Variants in CTIF observed in about 807,000 individuals in gnomAD.
CTIF encodes the protein CBP80/20-dependent translation initiation factor.
In CTIF, 21 loss-of-function variants were observed where a neutral mutation model predicts 66.0. The ratio of observed to expected loss-of-function variants is 0.32; its 90% CI spans 0.23 to 0.46. The LOEUF (loss-of-function observed/expected upper bound fraction) is 0.46, where lower values mean the gene tolerates loss of function less well. CTIF is among the 20% of genes least tolerant of loss of function. The probability of loss-of-function intolerance (pLI) is 1.00; values close to 1 mark genes in which losing one functional copy is unlikely to be tolerated. For synonymous variants in CTIF, 345 were observed against 326.4 expected, an observed-to-expected ratio of 1.06 and a Z score of -0.62; for missense variants, 739 against 812.7, an observed-to-expected ratio of 0.91 and a Z score of 1.10.
chr18:48,621,485 G>C (rs1308170383), intron 2 of CTIF: 1 of 330,148 alleles, frequency 3.0e-6, no homozygotes, highest in Non-Finnish European at 5.7e-6. Flanking sequence ...TGCGAGTCCT[G>C]AGCCCTGGAG....
At chr18:48,651,176 C>T (rs932600478) in intron 3 of CTIF, among the ~76,000 whole-genome samples, 5 of 152,016 alleles carry the variant, frequency 3.3e-5, no homozygotes, top group Non-Finnish European at 7.4e-5. Context: ...AGCTAAATGC[C>T]CCAATTAAAA....
chr18:48,702,374 A>C lies in CTIF; in HGVS notation c.508-9245A>C, dbSNP rs57739989. Among the ~76,000 whole-genome samples the C allele has an allele frequency of 1.8e-4, 27 of 152,312 alleles. 1 individual carries two copies. In the East Asian group the frequency reaches 5.0e-3, roughly 28 times the overall value. On this transcript the variant is annotated intron_variant, in intron 6 of 11. Transcript: ENST00000256413. ...TCACCCACAAGGCTACCCTGCGCAA[A>C]ATATTCACGTGCACTTTTAAGGGGG... is the stretch of plus-strand genomic sequence containing the variant.
At chr18:48,729,067 C>T (rs2092413087) in intron 7 of CTIF, among the ~76,000 whole-genome samples, 1 of 152,178 alleles carries the variant, frequency 6.6e-6, no homozygotes, top group South Asian at 2.1e-4. Context: ...ATGCCCTCCT[C>T]ATCCTGTCCT....
intron 1 of CTIF, among the ~76,000 whole-genome samples, chr18:48,592,497 CAAA>C (rs34825594): frequency 6.8e-5 from 8 of 117,632 alleles, no homozygotes; most frequent in Non-Finnish European, 1.1e-4. Context: ...AACCCTGTCT[CAAA>C]AAAAAAAAAA....
intron 1 of CTIF, among the ~76,000 whole-genome samples, chr18:48,542,187 C>T (rs759160182): frequency 6.6e-6 from 1 of 152,260 alleles, no homozygotes; most frequent in African/African-American, 2.4e-5. Context: ...GTTATTACCA[C>T]GCATTTAATA....
At chr18:48,814,322 A>G (rs994045435) in intron 9 of CTIF, among the ~76,000 whole-genome samples, 70 of 152,174 alleles carry the variant, frequency 4.6e-4, no homozygotes, top group Non-Finnish European at 4.0e-4. Flanking sequence ...GGAGCTGCCA[A>G]AAATTACCAG....
At chr18:48,754,152 C>T (rs1229063699) in intron 7 of CTIF, among the ~76,000 whole-genome samples, 1 of 152,166 alleles carries the variant, frequency 6.6e-6, no homozygotes, top group Non-Finnish European at 1.5e-5. Flanking sequence ...ATGCAGTTAT[C>T]ACCACCGAGG....
At chr18:48,648,373 C>T (rs540593855) in intron 3 of CTIF, among the ~76,000 whole-genome samples, 2 of 152,190 alleles carry the variant, frequency 1.3e-5, no homozygotes, top group South Asian at 4.2e-4. Flanking sequence ...GCTGTCTCTG[C>T]TGGGCTCTGC....
In CTIF at chr18:48,757,227, G is replaced by A. The variant is rs373144587; in HGVS notation, c.585-692G>A. 9.9e-5 allele frequency among the ~76,000 whole-genome samples: 15 copies of A among 152,246 alleles called. No individual in the cohort carries two copies. The East Asian group carries it at 2.1e-3, about 22-fold the overall frequency. On this transcript the variant is annotated intron_variant, in intron 7 of 11. Transcript: ENST00000256413. ...TTAATTTAATCACCTCTTTAAAGGT[G>A]ATCCATCATGTCTTATCTCCAAATA... is the stretch of plus-strand genomic sequence containing the variant.
chr18:48,793,536 C>A (rs2067840507), intron 9 of CTIF, among the ~76,000 whole-genome samples: 1 of 152,150 alleles, frequency 6.6e-6, no homozygotes, highest in Non-Finnish European at 1.5e-5. Flanking sequence ...GTATTTCTGA[C>A]AAAATGTTTC....
chr18:48,737,302 A>C (rs1251369637), intron 7 of CTIF, among the ~76,000 whole-genome samples: 1 of 152,240 alleles, frequency 6.6e-6, no homozygotes, highest in African/African-American at 2.4e-5. Flanking sequence ...CTGACTCCTA[A>C]GTCTCCAGCT....
At chr18:48,632,170 T>A (rs571697063) in intron 2 of CTIF, among the ~76,000 whole-genome samples, 6 of 152,250 alleles carry the variant, frequency 3.9e-5, no homozygotes, top group African/African-American at 1.2e-4. Flanking sequence ...AAGAAGCGTG[T>A]CTCTGATGGA....
At chr18:48,718,784 T>C (rs1395991605) in intron 7 of CTIF, among the ~76,000 whole-genome samples, 2 of 152,162 alleles carry the variant, frequency 1.3e-5, no homozygotes, top group Non-Finnish European at 2.9e-5. Flanking sequence ...TTATATCTGT[T>C]CTCCAGGATT....
In CTIF at chr18:48,740,682, C is replaced by T. The variant is rs535233644; in HGVS notation, c.585-17237C>T. ...CTTGCCCTTGTCCTGCCTTGACTGT[C>T]ACCTCTTCCCCCACCACGCACCTTG... On this transcript the variant is annotated intron_variant, in intron 7 of 11. Coordinates refer to ENST00000256413, the MANE Select transcript of CTIF (RefSeq NM_014772.3). Among the ~76,000 whole-genome samples the T allele has an allele frequency of 2.0e-5, 3 of 152,342 alleles. No homozygotes were observed. In the East Asian group the frequency reaches 5.8e-4, roughly 29 times the overall value.
At chr18:48,734,650 G>C (rs148287829) in intron 7 of CTIF, among the ~76,000 whole-genome samples, 1 of 152,300 alleles carries the variant, frequency 6.6e-6, no homozygotes, top group African/African-American at 2.4e-5. Context: ...GCAACATTCT[G>C]GGAGAGAAAG....
At chr18:48,610,538 G>A (rs902947281) in intron 1 of CTIF, among the ~76,000 whole-genome samples, 1 of 152,114 alleles carries the variant, frequency 6.6e-6, no homozygotes, top group Non-Finnish European at 1.5e-5. Context: ...ATCTAATGAG[G>A]CACCCCCCGG....
chr18:48,756,512 G>A (rs1908379670), intron 7 of CTIF, among the ~76,000 whole-genome samples: 1 of 152,228 alleles, frequency 6.6e-6, no homozygotes, highest in Non-Finnish European at 1.5e-5. Context: ...ATGAAGGTCT[G>A]TGGTACCCAA....
At chr18:48,746,675 G>T (rs2092599206) in intron 7 of CTIF, among the ~76,000 whole-genome samples, 1 of 151,338 alleles carries the variant, frequency 6.6e-6, no homozygotes. Context: ...CCTCAGTGTG[G>T]CATGGTCTCT....
intron 9 of CTIF, among the ~76,000 whole-genome samples, chr18:48,799,718 GATT>G (rs1226563349): frequency 2.6e-5 from 4 of 152,174 alleles, no homozygotes; most frequent in African/African-American, 9.7e-5. Flanking sequence ...TGTGCACCCA[GATT>G]ATTTCCTCCC....
Sources: gnomAD v4.1 joint callset for allele counts (sites outside exome capture counted in the v4.1 genomes callset) on GRCh38, gnomAD v4.1.1 for gene constraint, MANE v1.5 for transcripts, NCBI Gene and HGNC (gene_info 2026-07-23, HGNC 2026-07-21) for gene names.